Variants in CDH12 observed in about 807,000 individuals in gnomAD.
CDH12 encodes cadherin 12.
Under a neutral mutation model 74.1 loss-of-function variants are expected in CDH12, and 41 were observed. That is an observed-to-expected ratio of 0.55 (90% CI 0.43 to 0.72). The LOEUF (loss-of-function observed/expected upper bound fraction) is 0.72. Among genes scored for constraint, CDH12 ranks in the 30% least tolerant of loss-of-function variants. The pLI, the probability that CDH12 is intolerant of heterozygous loss-of-function variation, is 0.00. For missense variants in CDH12, 945 were observed against 977.2 expected (o/e 0.97, Z 0.44); for synonymous variants, 399 against 355.0 (o/e 1.12, Z -1.39).
In CDH12 at chr5:22,504,349, C is replaced by G. The variant is rs546986757; in HGVS notation, c.-428+921G>C. Among the ~76,000 whole-genome samples, 4 of 152,064 alleles carry G rather than the reference C, an allele frequency of 2.6e-5. No homozygotes were observed. In the South Asian group the frequency reaches 8.3e-4, roughly 32 times the overall value. ...CCTAACCTTTACTGAATAAGCTAATCTCATAAAAGGATAATGAGAAAGAAA... is the reference window on the plus strand; with the variant it reads ...CCTAACCTTTACTGAATAAGCTAATGTCATAAAAGGATAATGAGAAAGAAA... On this transcript the variant is annotated intron_variant, in intron 2 of 14. Transcript: ENST00000382254.
chr5:22,527,330 C>G (rs1368865935), intron 1 of CDH12, among the ~76,000 whole-genome samples: 3 of 152,096 alleles, frequency 2.0e-5, no homozygotes, highest in Non-Finnish European at 4.4e-5. Flanking sequence ...ATGATTGTGA[C>G]TCTCCATTTT....
chr5:22,010,382 C>A lies in CDH12; in HGVS notation c.232-34997G>T, dbSNP rs187945979. Among the ~76,000 whole-genome samples, 8 of 152,270 alleles carry A rather than the reference C, an allele frequency of 5.3e-5. No homozygotes were observed. In the East Asian group the frequency reaches 1.2e-3, roughly 22 times the overall value. ...CTAAGAATTTATGGGCATTAACCCC[C>A]CATCTATTTAACCACCTATATTACA... On this transcript the variant is annotated intron_variant, in intron 5 of 14. Coordinates refer to ENST00000382254, the MANE Select transcript of CDH12 (RefSeq NM_004061.5).
At chr5:22,222,121 C>G (rs576470604) in intron 3 of CDH12, among the ~76,000 whole-genome samples, 1 of 151,808 alleles carries the variant, frequency 6.6e-6, no homozygotes, top group Non-Finnish European at 1.5e-5. Flanking sequence ...TGGTATAATG[C>G]CCTATTGAAC....
chr5:21,919,868 C>T (rs953810672), intron 6 of CDH12, among the ~76,000 whole-genome samples: 5 of 152,102 alleles, frequency 3.3e-5, no homozygotes, highest in Non-Finnish European at 7.4e-5. Flanking sequence ...GTCAGTGATG[C>T]TAAATGACCT....
chr5:21,755,938 A>G (rs1325203399), intron 13 of CDH12, 96 bp from the exon 14 acceptor site: 2 of 1,126,928 alleles, frequency 1.8e-6, no homozygotes, highest in South Asian at 1.6e-5. Context: ...CTCTTCTTGA[A>G]TCAGGAAAAT....
At chr5:21,948,958 G>A (rs1755702409) in intron 6 of CDH12, among the ~76,000 whole-genome samples, 1 of 151,434 alleles carries the variant, frequency 6.6e-6, no homozygotes, top group South Asian at 2.1e-4. Flanking sequence ...GAAGATGACT[G>A]CTTCCCATTT....
intron 1 of CDH12, among the ~76,000 whole-genome samples, chr5:22,529,057 GTA>G (rs1737423122): frequency 6.7e-6 from 1 of 149,028 alleles, no homozygotes; most frequent in African/African-American, 2.5e-5. Flanking sequence ...ATATACATGT[GTA>G]TATATGTATA....
At chr5:22,004,386 A>T (rs143782484) in intron 5 of CDH12, among the ~76,000 whole-genome samples, 1 of 152,198 alleles carries the variant, frequency 6.6e-6, no homozygotes, top group Non-Finnish European at 1.5e-5. Context: ...TTCATATTTC[A>T]CTCAGTCAAA....
intron 2 of CDH12, among the ~76,000 whole-genome samples, chr5:22,487,050 TG>T (rs1226364387): frequency 6.3e-5 from 9 of 142,754 alleles, no homozygotes; most frequent in South Asian, 4.4e-4. Context: ...CGGCTTTTTT[TG>T]TGTGTGTGTG....
In CDH12 at chr5:22,772,117, T is replaced by C. The variant is rs941230935; in HGVS notation, c.-523+80941A>G. 5.3e-5 allele frequency among the ~76,000 whole-genome samples: 8 copies of C among 152,004 alleles called. No homozygotes were observed. The East Asian group carries it at 1.4e-3, about 26-fold the overall frequency. On this transcript the variant is annotated intron_variant, in intron 1 of 14. Coordinates refer to ENST00000382254, the MANE Select transcript of CDH12 (RefSeq NM_004061.5). ...AGGTGTTAGGGAATGATGTGTAATA[T>C]GGTGTGGTAGGGTTTCTATATTAGA... is the stretch of plus-strand genomic sequence containing the variant.
At chr5:22,764,409 A>T (rs1746393604) in intron 1 of CDH12, among the ~76,000 whole-genome samples, 1 of 151,966 alleles carries the variant, frequency 6.6e-6, no homozygotes, top group Non-Finnish European at 1.5e-5. Context: ...TTCCTTCTTC[A>T]GAATGCTGAT....
intron 1 of CDH12, among the ~76,000 whole-genome samples, chr5:22,756,512 CAA>C (rs560495593): frequency 2.0e-5 from 3 of 151,942 alleles, no homozygotes; most frequent in Non-Finnish European, 4.4e-5. Flanking sequence ...GAGAATATTT[CAA>C]AAGACTTATT....
At chr5:22,529,758 G>T (rs1216512892) in intron 1 of CDH12, among the ~76,000 whole-genome samples, 1 of 152,110 alleles carries the variant, frequency 6.6e-6, no homozygotes. Context: ...TAGAGACATT[G>T]GCTATCTTTT....
intron 2 of CDH12, among the ~76,000 whole-genome samples, chr5:22,491,521 C>T (rs1275766381): frequency 6.0e-5 from 9 of 149,656 alleles, no homozygotes; most frequent in Non-Finnish European, 1.0e-4. Context: ...ATAGGGGTGT[C>T]CAATCTGTCA....
At position 22,425,172 on chromosome 5, in the gene CDH12, A is replaced by ATATATAT. The variant is rs1554039892; in HGVS notation, c.-427-19822_-427-19821insATATATA. Among the ~76,000 whole-genome samples, 664 of 83,278 alleles carry ATATATAT rather than the reference A, an allele frequency of 8.0e-3. 13 individuals are homozygous for ATATATAT. The highest frequency in any genetic ancestry group is 9.5e-3 in the Non-Finnish European group (377 of 39,590). 54.6% of individuals were successfully genotyped at this position (83,278 alleles called of 152,430 possible). A position where few individuals can be genotyped will look rare whatever the true frequency, so the allele number is the denominator to read the frequency against. On this transcript the variant is annotated intron_variant, in intron 2 of 14. Coordinates refer to ENST00000382254, the MANE Select transcript of CDH12 (RefSeq NM_004061.5). ...GTGTGTGTATATATATATATATATA[A>ATATATAT]ATATATATATATATATACTTCTTTC...
At chr5:22,068,123 C>T (rs1363183174) in intron 5 of CDH12, among the ~76,000 whole-genome samples, 3 of 152,154 alleles carry the variant, frequency 2.0e-5, no homozygotes, top group African/African-American at 7.2e-5. Context: ...TGCTACTTGA[C>T]CCAGCAAGCC....
chr5:22,163,539 G>C (rs1056750983), intron 4 of CDH12, among the ~76,000 whole-genome samples: 2 of 152,090 alleles, frequency 1.3e-5, no homozygotes, highest in African/African-American at 4.8e-5. Flanking sequence ...AGTTGTTCTT[G>C]ATTTTCTTTT....
chr5:21,855,636 G>A (rs1467523531), intron 6 of CDH12, among the ~76,000 whole-genome samples: 2 of 151,476 alleles, frequency 1.3e-5, no homozygotes, highest in African/African-American at 4.8e-5. Flanking sequence ...ATATATGTAT[G>A]TGTATATATG....
chr5:22,649,091 A>T (rs1345277218), intron 1 of CDH12, among the ~76,000 whole-genome samples: 1 of 151,988 alleles, frequency 6.6e-6, no homozygotes, highest in African/African-American at 2.4e-5. Context: ...AGATGTAGAG[A>T]AATGATACTG....
Sources: gnomAD v4.1 joint callset for allele counts (sites outside exome capture counted in the v4.1 genomes callset) on GRCh38, gnomAD v4.1.1 for gene constraint, MANE v1.5 for transcripts, NCBI Gene and HGNC (gene_info 2026-07-23, HGNC 2026-07-21) for gene names.